Variants in PPHLN1 observed in about 807,000 individuals in gnomAD.
PPHLN1 encodes the protein periphilin 1, also known as periphilin-1.
PPHLN1 carries 29 observed loss-of-function variants against 51.3 expected under a neutral mutation model. The observed-to-expected ratio is 0.57, with a 90% CI of 0.42 to 0.77. The LOEUF is 0.77. Among genes scored for constraint, PPHLN1 ranks in the 30% least tolerant of loss-of-function variants. The pLI is 0.00. For missense variants in PPHLN1, 436 were observed against 438.4 expected, an observed-to-expected ratio of 0.99 and a Z score of 0.05; for synonymous variants, 147 against 147.8, an observed-to-expected ratio of 0.99 and a Z score of 0.04.
In PPHLN1 at chr12:42,441,753, C is replaced by T. The variant is rs2082985362; in HGVS notation, c.*244C>T. 1.8e-6 allele frequency: 2 copies of T among 1,138,798 alleles called. No homozygotes were observed. The highest frequency in any genetic ancestry group is 8.5e-5 in the Admixed American group (2 of 23,406). 70.5% of individuals were successfully genotyped at this position (1,138,798 alleles called of 1,614,324 possible). The stretch of plus-strand genomic sequence containing the variant: ...CAGGCTAGTCTCTAACTCCTGGCCT[C>T]AAGTGATCTGCCTGCCTCAGCCTCT... On this transcript the variant is annotated 3_prime_UTR_variant, in exon 10 of 10. Coordinates refer to ENST00000358314, the MANE Select transcript of PPHLN1 (RefSeq NM_201439.2).
At chr12:42,367,982 C>T (rs1217080468) in intron 4 of PPHLN1, among the ~76,000 whole-genome samples, 1 of 152,160 alleles carries the variant, frequency 6.6e-6, no homozygotes, top group African/African-American at 2.4e-5. Context: ...GTGATCCATC[C>T]CGCCTCGGCC....
intron 9 of PPHLN1, among the ~76,000 whole-genome samples, chr12:42,425,111 G>A (rs920410760): frequency 1.3e-5 from 2 of 151,138 alleles, no homozygotes; most frequent in Non-Finnish European, 2.9e-5. Context: ...ATAGAGTTTC[G>A]CTCTTGCTGC....
At chr12:42,359,738 C>T (rs2074417479) in intron 4 of PPHLN1, 1 of 152,162 alleles carries the variant, frequency 6.6e-6, no homozygotes, top group Admixed American at 6.6e-5. Context: ...GTTAGGAAAG[C>T]CATGTCAGTA....
chr12:42,446,713 G>T, downstream of PPHLN1: 1 of 1,480,364 alleles, frequency 6.8e-7, no homozygotes, highest in Non-Finnish European at 9.2e-7. Context: ...TGTAGGAGAT[G>T]GTCAGGTTGG....
intron 9 of PPHLN1, among the ~76,000 whole-genome samples, chr12:42,413,080 C>G (rs2080023067): frequency 6.6e-6 from 1 of 152,122 alleles, no homozygotes; most frequent in Non-Finnish European, 1.5e-5. Context: ...GTTTCCTCTG[C>G]TGATTATTTC....
At chr12:42,390,042 A>T (rs1000484253) in intron 7 of PPHLN1, among the ~76,000 whole-genome samples, 2 of 152,192 alleles carry the variant, frequency 1.3e-5, no homozygotes, top group Non-Finnish European at 2.9e-5. Context: ...CACAGATATC[A>T]TACCCTTTCT....
At chr12:42,353,938 C>G (rs1005614714) in intron 3 of PPHLN1, among the ~76,000 whole-genome samples, 3 of 152,048 alleles carry the variant, frequency 2.0e-5, no homozygotes, top group Admixed American at 6.5e-5. Context: ...TTTAAATTCT[C>G]TTCAAACAAA....
At chr12:42,336,657 G>T (rs1158401127) in intron 2 of PPHLN1, among the ~76,000 whole-genome samples, 1 of 152,178 alleles carries the variant, frequency 6.6e-6, no homozygotes. Flanking sequence ...GTACTTAGCA[G>T]GTAATAGAAG....
intron 9 of PPHLN1, among the ~76,000 whole-genome samples, chr12:42,413,632 G>T (rs537811425): frequency 4.6e-5 from 7 of 151,026 alleles, no homozygotes; most frequent in African/African-American, 1.5e-4. Flanking sequence ...CGCCATCTCG[G>T]CTCACTGCAA....
intron 1 of PPHLN1, among the ~76,000 whole-genome samples, chr12:42,327,866 G>A (rs2069050569): frequency 6.6e-6 from 1 of 152,224 alleles, no homozygotes; most frequent in African/African-American, 2.4e-5. Context: ...ACCCTTAGAA[G>A]GGGTCACCTG....
At chr12:42,409,438 G>A (rs1271734917) in intron 9 of PPHLN1, among the ~76,000 whole-genome samples, 2 of 152,096 alleles carry the variant, frequency 1.3e-5, no homozygotes, top group African/African-American at 4.8e-5. Flanking sequence ...CCTGATTTTT[G>A]TACAGATGTC....
At chr12:42,431,780 A>G in intron 9 of PPHLN1, 5 of 1,062,182 alleles carry the variant, frequency 4.7e-6, no homozygotes, top group South Asian at 1.2e-5. Flanking sequence ...CAGAAGCACT[A>G]GTCGGGCTAT....
In PPHLN1 at chr12:42,344,708, A is replaced by ATT. The variant is rs35335129; in HGVS notation, c.73-7160_73-7159dup. Among the ~76,000 whole-genome samples the ATT allele has an allele frequency of 4.4e-3, 586 of 134,064 alleles. 5 individuals carry two copies. The highest frequency in any genetic ancestry group is 6.4e-3 in the Non-Finnish European group (409 of 63,574). The allele number at this position is 134,064 out of a possible 152,430, so 88.0% of individuals were successfully genotyped here. A position where few individuals can be genotyped will look rare whatever the true frequency, so the allele number is the denominator to read the frequency against. On this transcript the variant is annotated intron_variant, in intron 2 of 9. Coordinates refer to ENST00000358314, the MANE Select transcript of PPHLN1 (RefSeq NM_201439.2). ...CTTATGAGATTTAACAACAGTGTGG[A>ATT]TTTTTTTTTTTTTTTTTTGAGACAG... is the stretch of plus-strand genomic sequence containing the variant.
chr12:42,411,244 T>A (rs1341982421), intron 9 of PPHLN1, among the ~76,000 whole-genome samples: 1 of 151,926 alleles, frequency 6.6e-6, no homozygotes, highest in Non-Finnish European at 1.5e-5. Context: ...ATTGAGTATA[T>A]AATATATATA....
intron 8 of PPHLN1, among the ~76,000 whole-genome samples, chr12:42,395,269 C>T (rs1230735869): frequency 6.6e-6 from 1 of 151,912 alleles, no homozygotes; most frequent in Non-Finnish European, 1.5e-5. Flanking sequence ...ATAGGTCAGA[C>T]GTGTTCTTTT....
At chr12:42,428,584 A>AG (rs1435931932) in intron 9 of PPHLN1, among the ~76,000 whole-genome samples, 1 of 152,124 alleles carries the variant, frequency 6.6e-6, no homozygotes, top group Non-Finnish European at 1.5e-5. Context: ...CAAAGGCATA[A>AG]GAAAGACACA....
At chr12:42,413,405 G>A (rs2080052664) in intron 9 of PPHLN1, among the ~76,000 whole-genome samples, 2 of 152,010 alleles carry the variant, frequency 1.3e-5, no homozygotes, top group African/African-American at 4.8e-5. Context: ...TGTATGCTTT[G>A]TTGAAGAACA....
At chr12:42,376,567 A>T (rs979635123) in intron 5 of PPHLN1, among the ~76,000 whole-genome samples, 1 of 152,208 alleles carries the variant, frequency 6.6e-6, no homozygotes, top group Non-Finnish European at 1.5e-5. Context: ...TGGAAAGATT[A>T]CTCGAGCCCA....
At chr12:42,370,481 G>C (rs1191654860) in intron 4 of PPHLN1, among the ~76,000 whole-genome samples, 1 of 152,104 alleles carries the variant, frequency 6.6e-6, no homozygotes, top group African/African-American at 2.4e-5. Context: ...CTTGAAATAA[G>C]AGTTTTTCTA....
Sources: gnomAD v4.1 joint callset for allele counts (sites outside exome capture counted in the v4.1 genomes callset) on GRCh38, gnomAD v4.1.1 for gene constraint, MANE v1.5 for transcripts, NCBI Gene and HGNC (gene_info 2026-07-23, HGNC 2026-07-21) for gene names.